NSDHL: variants seen among roughly 807,000 people sequenced by gnomAD.
NSDHL encodes the protein sterol-4-alpha-carboxylate 3-dehydrogenase, decarboxylating.
Under a neutral mutation model 23.0 loss-of-function variants are expected in NSDHL, and 1 was observed. That is an observed-to-expected ratio of 0.04 (90% confidence interval 0.02 to 0.21). The LOEUF (loss-of-function observed/expected upper bound fraction) is 0.21. NSDHL is among the 10% of genes least tolerant of loss of function. The pLI, the probability that NSDHL is intolerant of heterozygous loss-of-function variation, is 1.00. For missense variants in NSDHL, 237 were observed against 300.9 expected, an observed-to-expected ratio of 0.79 and a Z score of 1.57; for synonymous variants, 128 against 121.1, an observed-to-expected ratio of 1.06 and a Z score of -0.37.
At chrX:152,835,295 CTTT>C (rs200736261) in intron 1 of NSDHL, among the ~76,000 whole-genome samples, 1 of 101,393 alleles carries the variant, frequency 9.9e-6, no homozygotes, top group African/African-American at 3.6e-5. Context: ...TCACATCTCT[CTTT>C]TTTTTTTTTT....
At chrX:152,833,993 T>A (rs782549294) in intron 1 of NSDHL, among the ~76,000 whole-genome samples, 1 of 112,810 alleles carries the variant, frequency 8.9e-6, no homozygotes, top group African/African-American at 3.2e-5. Context: ...TCACAGTAGC[T>A]CTGAGGTAGG....
intron 2 of NSDHL, among the ~76,000 whole-genome samples, chrX:152,848,356 T>G (rs1239209156): frequency 1.8e-5 from 2 of 112,122 alleles, no homozygotes; most frequent in Non-Finnish European, 3.8e-5. Flanking sequence ...CACACAGCAT[T>G]ATAGGTATGA....
intron 1 of NSDHL, among the ~76,000 whole-genome samples, chrX:152,837,076 G>A (rs1271276450): frequency 1.8e-5 from 2 of 111,920 alleles, no homozygotes; most frequent in East Asian, 2.8e-4. Context: ...TTGTGAATGG[G>A]AGTTCACTCA....
chrX:152,850,464 C>T (rs782139417), intron 3 of NSDHL, 41 bp downstream of exon 3: 13 of 1,154,474 alleles, frequency 1.1e-5, no homozygotes, highest in Middle Eastern at 2.5e-4. Context: ...CACGAGCCCA[C>T]GAAGGGAAAC....
Position 152,865,650 on chromosome X carries a change from C to G in NSDHL, c.544-169C>G, listed in dbSNP as rs141158981. The stretch of plus-strand genomic sequence containing the variant: ...AGGTAGCCCAGAATTATACCAGCCA[C>G]TGATGTAGGTTGTCAGCTCAAGGCA... On this transcript the variant is annotated intron_variant, in intron 5 of 7. Coordinates refer to ENST00000370274, the MANE Select transcript of NSDHL (RefSeq NM_015922.3). 1.6e-3 allele frequency among the ~76,000 whole-genome samples: 176 copies of G among 112,958 alleles called. 1 individual carries two copies. Among genetic ancestry groups the G allele is most frequent in the African/African-American group, 5.2e-3 (161 of 31,165 alleles).
At chrX:152,852,120 G>A (rs1440715229) in intron 3 of NSDHL, among the ~76,000 whole-genome samples, 4 of 110,672 alleles carry the variant, frequency 3.6e-5, no homozygotes, top group Admixed American at 9.7e-5. Context: ...CTGCTTGTTC[G>A]CTTGCATAGT....
chrX:152,864,947 C>T (rs781797872), intron 5 of NSDHL, among the ~76,000 whole-genome samples: 36 of 111,877 alleles, frequency 3.2e-4, no homozygotes, highest in Non-Finnish European at 6.4e-4. Flanking sequence ...CAGCAGGAAC[C>T]GTACTTACCA....
At chrX:152,863,026 G>A (rs1320604976) in intron 5 of NSDHL, among the ~76,000 whole-genome samples, 2 of 110,578 alleles carry the variant, frequency 1.8e-5, no homozygotes, top group Non-Finnish European at 3.8e-5. Context: ...GCCCAGCATG[G>A]TGGCAGGCGC....
chrX:152,833,351 C>T (rs1316240318), intron 1 of NSDHL, among the ~76,000 whole-genome samples: 7 of 104,779 alleles, frequency 6.7e-5, no homozygotes, highest in African/African-American at 2.5e-4. Flanking sequence ...TTGTCATTCC[C>T]CCCCGCCCAC....
chrX:152,860,778 G>C (rs1382564501), intron 4 of NSDHL, among the ~76,000 whole-genome samples: 2 of 111,537 alleles, frequency 1.8e-5, no homozygotes, highest in African/African-American at 6.5e-5. Flanking sequence ...ACTCACCACA[G>C]CATTTAAGAA....
At chrX:152,855,299 C>T (rs1031194038) in intron 3 of NSDHL, among the ~76,000 whole-genome samples, 2 of 111,646 alleles carry the variant, frequency 1.8e-5, no homozygotes, top group Non-Finnish European at 3.8e-5. Flanking sequence ...CCACCGCGCC[C>T]GGCCCATGAC....
intron 1 of NSDHL, among the ~76,000 whole-genome samples, chrX:152,841,704 A>G (rs1933194742): frequency 1.8e-5 from 2 of 112,772 alleles, no homozygotes; most frequent in Admixed American, 1.9e-4. Flanking sequence ...TGTGTGAACC[A>G]TAACAATCCA....
chrX:152,850,734 T>G (rs1933343955), intron 3 of NSDHL, among the ~76,000 whole-genome samples: 1 of 112,439 alleles, frequency 8.9e-6, no homozygotes, highest in South Asian at 3.7e-4. Flanking sequence ...TTGTTCCAAC[T>G]GCAAAACAAG....
chrX:152,852,647 A>G (rs1489686807), intron 3 of NSDHL, among the ~76,000 whole-genome samples: 1 of 111,052 alleles, frequency 9.0e-6, no homozygotes, highest in African/African-American at 3.3e-5. Flanking sequence ...GTGCATGGCC[A>G]TGGCCCTCAA....
chrX:152,847,450 A>T (rs1556845737), intron 2 of NSDHL, among the ~76,000 whole-genome samples: 1 of 109,716 alleles, frequency 9.1e-6, no homozygotes, highest in African/African-American at 3.3e-5. Flanking sequence ...ACTCAGAGTC[A>T]AGCCTCCTCT....
At chrX:152,868,737 C>T (rs1556848430) in intron 7 of NSDHL, 47 bp from the exon 8 acceptor site, 1 of 1,074,334 alleles carries the variant, frequency 9.3e-7, no homozygotes, top group Non-Finnish European at 1.3e-6. Context: ...CAACTTTGGG[C>T]AGGTGGGGGT....
At chrX:152,834,303 C>T (rs1462335435) in intron 1 of NSDHL, among the ~76,000 whole-genome samples, 1 of 113,011 alleles carries the variant, frequency 8.8e-6, no homozygotes, top group Non-Finnish European at 1.9e-5. Context: ...GTAAGCTAAG[C>T]TCACAGGCAT....
chrX:152,861,631 G>A (rs782363047), intron 4 of NSDHL, among the ~76,000 whole-genome samples: 1 of 112,770 alleles, frequency 8.9e-6, no homozygotes, highest in African/African-American at 3.2e-5. Flanking sequence ...GAGTGTTCCT[G>A]TCCATAAATA....
chrX:152,840,770 C>G (rs1443047012), intron 1 of NSDHL, among the ~76,000 whole-genome samples: 1 of 112,628 alleles, frequency 8.9e-6, no homozygotes, highest in Non-Finnish European at 1.9e-5. Flanking sequence ...GTCAGGGACC[C>G]ACTTGAGGAG....
Sources: gnomAD v4.1 joint callset for allele counts (sites outside exome capture counted in the v4.1 genomes callset) on GRCh38, gnomAD v4.1.1 for gene constraint, MANE v1.5 for transcripts, NCBI Gene and HGNC (gene_info 2026-07-23, HGNC 2026-07-21) for gene names.